Variants in CFHR3 observed in about 807,000 individuals in gnomAD.
The protein encoded by CFHR3 is complement factor H related 3, also known as complement factor H-related protein 3.
Under a neutral mutation model 36.0 loss-of-function variants are expected in CFHR3, and 22 were observed. The observed-to-expected ratio is 0.61, with a 90% CI of 0.44 to 0.87. The LOEUF (loss-of-function observed/expected upper bound fraction) is 0.87, where lower values mean the gene tolerates loss of function less well. CFHR3 is among the 40% of genes least tolerant of loss of function. CFHR3 has a pLI of 0.00. For synonymous variants in CFHR3, 97 were observed against 137.4 expected (o/e 0.71, Z 2.06); for missense variants, 276 against 401.3 (o/e 0.69, Z 2.67).
chr1:196,787,919 T>A, intron 3 of CFHR3, among the ~76,000 whole-genome samples: 1 of 136,622 alleles, frequency 7.3e-6, no homozygotes, highest in East Asian at 2.0e-4. Context: ...CTTCCAAAAT[T>A]TCATTAGGGA....
rs1375133049 is a variant in CFHR3 at position 196,794,444 on chromosome 1, T to C, written c.*931T>C. 3 of 350,718 alleles carry C rather than the reference T, an allele frequency of 8.6e-6. No individual in the cohort carries two copies. The highest frequency in any genetic ancestry group is 1.7e-5 in the Non-Finnish European group (3 of 180,734). The allele number at this position is 350,718 out of a possible 1,614,324, so 21.7% of individuals were successfully genotyped here. On this transcript the variant is annotated 3_prime_UTR_variant, in exon 6 of 6. Coordinates refer to ENST00000367425, the MANE Select transcript of CFHR3 (RefSeq NM_021023.6). ...TGCCACTGCACTCCAGCCTGGGCAA[T>C]AGAGTGAGACTCTGTCTTAAAAATA...
At chr1:196,780,109 A>C in intron 3 of CFHR3, 136 bp downstream of exon 3, 1 of 1,189,482 alleles carries the variant, frequency 8.4e-7, no homozygotes, top group Non-Finnish European at 1.2e-6. Context: ...ATTTAGTTTT[A>C]CTTTTTTAAT....
At chr1:196,775,822 T>C (rs1220770526) in intron 1 of CFHR3, among the ~76,000 whole-genome samples, 1 of 137,110 alleles carries the variant, frequency 7.3e-6, no homozygotes, top group Non-Finnish European at 1.6e-5. Context: ...TTTCAGCCAA[T>C]GTAATGGAGG....
intron 4 of CFHR3, chr1:196,788,988 T>A: frequency 7.6e-7 from 1 of 1,311,646 alleles, no homozygotes; most frequent in East Asian, 2.6e-5. Context: ...TACTTGCCAA[T>A]GGATTCTTTA....
In CFHR3 at chr1:196,779,699, G is replaced by A. The variant is rs189015668; in HGVS notation, c.254-98G>A. 292 of 1,354,906 alleles carry A rather than the reference G, an allele frequency of 2.2e-4. 15 individuals are homozygous for A. In the East Asian group the frequency reaches 6.1e-3, roughly 28 times the overall value. 83.9% of individuals were successfully genotyped at this position (1,354,906 alleles called of 1,614,324 possible). On this transcript the variant is annotated intron_variant, in intron 2 of 5. Transcript: ENST00000367425. The stretch of plus-strand genomic sequence containing the variant: ...GTACATTATTTTTGGATGTTTATGC[G>A]ATCTTATTTAAATATGGTAACAATA...
intron 1 of CFHR3, among the ~76,000 whole-genome samples, chr1:196,777,450 T>C (rs73073578): frequency 0.019 from 2,623 of 136,070 alleles, 698 homozygotes; most frequent in African/African-American, 0.073. Flanking sequence ...TTGTACTTCT[T>C]TGGGACGCTC....
intron 3 of CFHR3, among the ~76,000 whole-genome samples, chr1:196,781,562 G>T (rs1376154547): frequency 7.3e-6 from 1 of 136,536 alleles, no homozygotes; most frequent in Admixed American, 7.0e-5. Context: ...GTGATGGTGA[G>T]CATTTTTTCA....
rs1653983856 is a variant in CFHR3, at chr1:196,782,223, A to G, written c.430+2250A>G. Among the ~76,000 whole-genome samples, 2 of 136,940 alleles carry G rather than the reference A, an allele frequency of 1.5e-5. 1 individual carries two copies. Among genetic ancestry groups the G allele is most frequent in the Non-Finnish European group, 3.1e-5 (2 of 64,584 alleles). The allele number at this position is 136,940 out of a possible 152,430, so 89.8% of individuals were successfully genotyped here. A position where few individuals can be genotyped will look rare whatever the true frequency, so the allele number is the denominator to read the frequency against. ...TACTGTAGCCTTGTAGTATAGTTTG[A>G]AGTCACGTAGTGTGATGCCTCCAGC... On this transcript the variant is annotated intron_variant, in intron 3 of 5. Transcript: ENST00000367425.
intron 3 of CFHR3, among the ~76,000 whole-genome samples, chr1:196,783,479 G>A (rs1654051276): frequency 7.6e-6 from 1 of 131,748 alleles, no homozygotes; most frequent in Admixed American, 7.3e-5. Flanking sequence ...CACAATTTCA[G>A]AGCCTGTTAT....
rs1654326571 is a variant in CFHR3 at position 196,789,212 on chromosome 1, G to A, written c.613+814G>A. 12 of 890,166 alleles carry A rather than the reference G, an allele frequency of 1.3e-5. 2 individuals are homozygous for A. The highest frequency in any genetic ancestry group is 1.6e-5 in the Non-Finnish European group (12 of 748,444). 55.1% of individuals were successfully genotyped at this position (890,166 alleles called of 1,614,324 possible). ...TCCCAAATCCACTTCATTTTCAAGG[G>A]TACAATTCAACTATTTTTAGTCATG... On this transcript the variant is annotated intron_variant, in intron 4 of 5. Coordinates refer to ENST00000367425, the MANE Select transcript of CFHR3 (RefSeq NM_021023.6).
intron 4 of CFHR3, chr1:196,789,013 T>C: frequency 7.8e-7 from 1 of 1,286,834 alleles, no homozygotes; most frequent in African/African-American, 1.9e-5. Context: ...TAAAGTTCTC[T>C]GAACGTGCTC....
chr1:196,788,541 C>T, intron 4 of CFHR3, 143 bp downstream of exon 4: 1 of 1,262,496 alleles, frequency 7.9e-7, no homozygotes. Context: ...CATTCTGTGC[C>T]AAATTAAGTC....
chr1:196,779,843 TG>T lies in CFHR3; in HGVS notation c.302del (p.Gly101GlufsTer51), dbSNP rs1653873323. The T allele has an allele frequency of 1.3e-6, 2 of 1,532,496 alleles. 1 individual carries two copies. Among genetic ancestry groups the T allele is most frequent in the Non-Finnish European group, 1.8e-6 (2 of 1,132,814 alleles). 94.9% of individuals were successfully genotyped at this position (1,532,496 alleles called of 1,614,324 possible). A position where few individuals can be genotyped will look rare whatever the true frequency, so the allele number is the denominator to read the frequency against. On this transcript the variant is annotated frameshift_variant, in exon 3 of 6. Coordinates refer to ENST00000367425, the MANE Select transcript of CFHR3 (RefSeq NM_021023.6). LOFTEE classifies it high-confidence loss of function. The stretch of plus-strand genomic sequence containing the variant: ...TGGAAAATGGATATAATCAAAATTA[TG>T]GAAGAAAGTTTGTACAGGGTAACTC... ...YLENGYNQNY[G>X]RKFVQGNSTE...
intron 1 of CFHR3, among the ~76,000 whole-genome samples, chr1:196,775,521 T>C (rs2124835256): frequency 7.3e-6 from 1 of 137,500 alleles, no homozygotes; most frequent in African/African-American, 3.0e-5. Flanking sequence ...AATATAAACT[T>C]ACATTGGAAA....
At chr1:196,775,073 A>G (rs1653658022) in intron 1 of CFHR3, 129 bp downstream of exon 1, 2 of 799,376 alleles carry the variant, frequency 2.5e-6, no homozygotes, top group Non-Finnish European at 3.9e-6. Context: ...TAGAAGTGAC[A>G]TATTTTGTGA....
intron 4 of CFHR3, chr1:196,789,789 G>C: frequency 8.0e-7 from 1 of 1,257,408 alleles, no homozygotes; most frequent in Non-Finnish European, 1.0e-6. Flanking sequence ...TTTTTTATTA[G>C]AATTAAATAA....
At chr1:196,786,288 T>C (rs1654197859) in intron 3 of CFHR3, among the ~76,000 whole-genome samples, 1 of 135,488 alleles carries the variant, frequency 7.4e-6, no homozygotes, top group Non-Finnish European at 1.6e-5. Flanking sequence ...CTGCCCGTTC[T>C]CAGATCTCCA....
At position 196,790,980 on chromosome 1, in the gene CFHR3, T is replaced by A. The variant is rs1275706869; in HGVS notation, c.796+753T>A. The stretch of plus-strand genomic sequence containing the variant: ...TAGGTAAAGAGTTTTCAAACAGTTC[T>A]GAAAACATTGTTTCAAAAAACCACA... On this transcript the variant is annotated intron_variant, in intron 5 of 5. Transcript: ENST00000367425. Among the ~76,000 whole-genome samples, 6 of 136,330 alleles carry A rather than the reference T, an allele frequency of 4.4e-5. 2 individuals carry two copies. Among genetic ancestry groups the A allele is most frequent in the Non-Finnish European group, 9.3e-5 (6 of 64,400 alleles). The allele number at this position is 136,330 out of a possible 152,430, so 89.4% of individuals were successfully genotyped here. A position where few individuals can be genotyped will look rare whatever the true frequency, so the allele number is the denominator to read the frequency against.
chr1:196,779,258 C>A lies in CFHR3; in HGVS notation c.155C>A (p.Ser52Tyr). Residue 52 changes from serine (S) to tyrosine (Y), a missense_variant, in exon 2 of 6, where the codon TCC becomes TAC. Physicochemically the swap from Ser to Tyr is moderately radical, Grantham distance 144. Transcript: ENST00000367425. The part of the protein sequence containing the change: ...YFPVAVGKYY[S>Y]YYCDEHFETP... The stretch of plus-strand genomic sequence containing the variant: ...CCAGTAGCTGTAGGAAAATATTACT[C>A]CTATTACTGTGATGAACATTTTGAG... 1.3e-6 allele frequency: 2 copies of A among 1,525,468 alleles called. No homozygotes were observed. Among genetic ancestry groups the A allele is most frequent in the Non-Finnish European group, 1.8e-6 (2 of 1,126,448 alleles). 94.5% of individuals were successfully genotyped at this position (1,525,468 alleles called of 1,614,324 possible). A position where few individuals can be genotyped will look rare whatever the true frequency, so the allele number is the denominator to read the frequency against.
Sources: allele counts gnomAD v4.1 joint callset (sites outside exome capture counted in the v4.1 genomes callset), GRCh38; gene constraint gnomAD v4.1.1; transcripts MANE v1.5; gene names NCBI Gene and HGNC (gene_info 2026-07-23, HGNC 2026-07-21).